Variants in SDK1 observed in about 807,000 individuals in gnomAD.
The protein encoded by SDK1 is protein sidekick-1.
In SDK1, 157 loss-of-function variants were observed where a neutral mutation model predicts 245.5. The ratio of observed to expected loss-of-function variants is 0.64; its 90% CI spans 0.56 to 0.73. SDK1 has a LOEUF of 0.73. Ranked by LOEUF, SDK1 falls within the 30% of genes least tolerant of loss-of-function variation. The probability of loss-of-function intolerance (pLI) is 0.00; values close to 1 mark genes in which losing one functional copy is unlikely to be tolerated. For synonymous variants in SDK1, 1,647 were observed against 1,278.5 expected (o/e 1.29, Z -6.15); for missense variants, 3,583 against 3,002.3 (o/e 1.19, Z -4.52).
At chr7:3,504,471 G>T (rs2090940) in intron 1 of SDK1, among the ~76,000 whole-genome samples, 1 of 151,876 alleles carries the variant, frequency 6.6e-6, no homozygotes, top group Non-Finnish European at 1.5e-5. Flanking sequence ...AGACATATAT[G>T]TTGGTGGAAT....
At chr7:3,581,239 A>G (rs1297545626) in intron 1 of SDK1, among the ~76,000 whole-genome samples, 1 of 152,184 alleles carries the variant, frequency 6.6e-6, no homozygotes, top group East Asian at 1.9e-4. Context: ...CAGTGTCTAT[A>G]AGGAACTTAA....
intron 4 of SDK1, among the ~76,000 whole-genome samples, chr7:3,660,155 A>G (rs1783307721): frequency 2.0e-5 from 3 of 152,186 alleles, no homozygotes; most frequent in Admixed American, 2.0e-4. Flanking sequence ...TCTTGCCTGC[A>G]GAGAGATTTC....
intron 5 of SDK1, among the ~76,000 whole-genome samples, chr7:3,947,478 T>A (rs1780625640): frequency 6.6e-6 from 1 of 151,800 alleles, no homozygotes; most frequent in African/African-American, 2.4e-5. Context: ...CTTCTACAGA[T>A]TTTTTTCACC....
chr7:4,236,892 A>G (rs1786201494), intron 41 of SDK1, among the ~76,000 whole-genome samples: 1 of 152,024 alleles, frequency 6.6e-6, no homozygotes, highest in Admixed American at 6.6e-5. Context: ...TAACCCACAC[A>G]ACGTTTTTGT....
intron 17 of SDK1, among the ~76,000 whole-genome samples, chr7:4,039,040 A>G (rs1185612653): frequency 6.6e-6 from 1 of 152,072 alleles, no homozygotes; most frequent in Non-Finnish European, 1.5e-5. Context: ...TCTTTAATTA[A>G]AAAACGTAAG....
At chr7:4,116,863 T>G (rs1321046841) in intron 25 of SDK1, among the ~76,000 whole-genome samples, 1 of 152,176 alleles carries the variant, frequency 6.6e-6, no homozygotes, top group Non-Finnish European at 1.5e-5. Flanking sequence ...GACCAGTGTT[T>G]CAGGATGGAA....
At chr7:3,495,624 C>T (rs561814870) in intron 1 of SDK1, among the ~76,000 whole-genome samples, 1 of 152,306 alleles carries the variant, frequency 6.6e-6, no homozygotes, top group South Asian at 2.1e-4. Context: ...AATTACTCTT[C>T]TTAAAAACAA....
intron 4 of SDK1, among the ~76,000 whole-genome samples, chr7:3,698,649 A>G (rs1369450031): frequency 6.6e-6 from 1 of 152,104 alleles, no homozygotes; most frequent in Non-Finnish European, 1.5e-5. Flanking sequence ...CTGGAGGCTA[A>G]AAGTTCAAGG....
chr7:3,722,769 C>G (rs1307014700), intron 4 of SDK1, among the ~76,000 whole-genome samples: 1 of 152,168 alleles, frequency 6.6e-6, no homozygotes, highest in Non-Finnish European at 1.5e-5. Context: ...GGCTCAGCAC[C>G]GCCCTCTGTC....
intron 4 of SDK1, among the ~76,000 whole-genome samples, chr7:3,725,804 G>C (rs1033706644): frequency 3.9e-5 from 6 of 152,152 alleles, no homozygotes; most frequent in Non-Finnish European, 5.9e-5. Context: ...GCATGGTCAC[G>C]AATGACATGT....
chr7:3,978,853 G>C (rs1562609602), intron 13 of SDK1, among the ~76,000 whole-genome samples: 1 of 152,156 alleles, frequency 6.6e-6, no homozygotes, highest in Non-Finnish European at 1.5e-5. Context: ...TTTTCTCCTT[G>C]CCTCTCCACT....
At chr7:3,572,627 A>T (rs1187951895) in intron 1 of SDK1, among the ~76,000 whole-genome samples, 1 of 151,930 alleles carries the variant, frequency 6.6e-6, no homozygotes, top group Non-Finnish European at 1.5e-5. Flanking sequence ...TATTCTGACG[A>T]GCTTTACTCA....
intron 1 of SDK1, among the ~76,000 whole-genome samples, chr7:3,329,644 C>A (rs1261047944): frequency 1.3e-5 from 2 of 152,130 alleles, no homozygotes; most frequent in African/African-American, 4.8e-5. Context: ...TTTTGACTGG[C>A]TGCTTTAACT....
intron 5 of SDK1, among the ~76,000 whole-genome samples, chr7:3,921,847 T>A (rs1321432850): frequency 1.3e-5 from 2 of 152,050 alleles, no homozygotes; most frequent in East Asian, 3.9e-4. Flanking sequence ...GTGCCTGTGG[T>A]CCCAGCTTCT....
At chr7:3,353,855 C>T (rs1780723240) in intron 1 of SDK1, among the ~76,000 whole-genome samples, 1 of 151,170 alleles carries the variant, frequency 6.6e-6, no homozygotes, top group Non-Finnish European at 1.5e-5. Context: ...TGTCAGTTTC[C>T]ATGCAGATGC....
intron 1 of SDK1, among the ~76,000 whole-genome samples, chr7:3,467,591 G>A (rs1171181413): frequency 1.3e-5 from 2 of 151,954 alleles, no homozygotes; most frequent in Non-Finnish European, 2.9e-5. Context: ...GTCAGTATCT[G>A]TACTAAAGTA....
chr7:3,558,057 G>T (rs1276155138), intron 1 of SDK1, among the ~76,000 whole-genome samples: 1 of 128,644 alleles, frequency 7.8e-6, no homozygotes. Flanking sequence ...AGTATTCACA[G>T]TTATAGTCCC....
chr7:3,960,499 A>G (rs1205452909), intron 8 of SDK1, among the ~76,000 whole-genome samples: 2 of 152,306 alleles, frequency 1.3e-5, no homozygotes, highest in African/African-American at 2.4e-5. Flanking sequence ...TCACCCTTCC[A>G]GTGCTGTGCC....
At chr7:3,787,555 C>T (rs192906004) in intron 4 of SDK1, among the ~76,000 whole-genome samples, 96 of 152,250 alleles carry the variant, frequency 6.3e-4, no homozygotes, top group African/African-American at 2.2e-3. Flanking sequence ...AAAATCCCTT[C>T]TCCTCAATTT....
Sources: allele counts gnomAD v4.1 joint callset (sites outside exome capture counted in the v4.1 genomes callset), GRCh38; gene constraint gnomAD v4.1.1; transcripts MANE v1.5; gene names NCBI Gene and HGNC (gene_info 2026-07-23, HGNC 2026-07-21).